The following RORB variants were observed in gnomAD, a reference collection of about 807,000 sequenced individuals.
The protein encoded by RORB is nuclear receptor ROR-beta.
In RORB, 6 loss-of-function variants were observed where a neutral mutation model predicts 59.1. The observed-to-expected ratio is 0.10, with a 90% confidence interval of 0.06 to 0.20. The LOEUF (loss-of-function observed/expected upper bound fraction) is 0.20. Ranked by LOEUF, RORB falls within the 10% of genes least tolerant of loss-of-function variation. RORB has a pLI of 1.00. For missense variants in RORB, 320 were observed against 560.5 expected, an observed-to-expected ratio of 0.57 and a Z score of 4.33; for synonymous variants, 215 against 204.5, an observed-to-expected ratio of 1.05 and a Z score of -0.44.
At chr9:74,611,661 G>GTTTT in intron 1 of RORB, among the ~76,000 whole-genome samples, 2 of 152,070 alleles carry the variant, frequency 1.3e-5, no homozygotes, top group African/African-American at 4.8e-5. Flanking sequence ...TTGTTTGTTT[G>GTTTT]TTTTTGAGAT....
intron 1 of RORB, among the ~76,000 whole-genome samples, chr9:74,599,645 A>G (rs1029612655): frequency 1.1e-4 from 17 of 152,212 alleles, no homozygotes; most frequent in African/African-American, 4.1e-4. Context: ...ATATTTCAAT[A>G]TTCCAACCAC....
chr9:74,585,402 A>T (rs1032713859), intron 1 of RORB, among the ~76,000 whole-genome samples: 6 of 152,270 alleles, frequency 3.9e-5, no homozygotes, highest in African/African-American at 1.4e-4. Context: ...CATATTCTAT[A>T]TAAAACCCCA....
intron 1 of RORB, among the ~76,000 whole-genome samples, chr9:74,587,588 A>T (rs984555981): frequency 6.6e-6 from 1 of 152,164 alleles, no homozygotes; most frequent in African/African-American, 2.4e-5. Context: ...AGGTCAGCTG[A>T]GGACTCAGCT....
intron 1 of RORB, among the ~76,000 whole-genome samples, chr9:74,595,997 T>C (rs1822965132): frequency 1.3e-5 from 2 of 152,188 alleles, no homozygotes; most frequent in African/African-American, 4.8e-5. Context: ...ATGATTTGTG[T>C]CCAGGGAAAC....
At chr9:74,538,711 A>G (rs1386440674) in intron 1 of RORB, among the ~76,000 whole-genome samples, 3 of 146,940 alleles carry the variant, frequency 2.0e-5, no homozygotes, top group African/African-American at 7.6e-5. Context: ...ATTAGCTTAC[A>G]GCAAAAGACA....
chr9:74,498,039 G>A, intron 1 of RORB, 56 bp downstream of exon 1: 1 of 1,584,814 alleles, frequency 6.3e-7, no homozygotes, highest in South Asian at 1.1e-5. Context: ...CCAGCCAGAC[G>A]GGGAGATGGG....
chr9:74,545,960 G>A (rs1290936537), intron 1 of RORB, among the ~76,000 whole-genome samples: 1 of 152,156 alleles, frequency 6.6e-6, no homozygotes, highest in Non-Finnish European at 1.5e-5. Flanking sequence ...AAAAATAAAA[G>A]GAATCTAACT....
chr9:74,612,672 T>C (rs1300518944), intron 1 of RORB, among the ~76,000 whole-genome samples: 2 of 152,158 alleles, frequency 1.3e-5, no homozygotes, highest in Non-Finnish European at 2.9e-5. Flanking sequence ...GACATAAAGA[T>C]GTATAAGTTT....
chr9:74,558,823 T>G (rs1822351388), intron 1 of RORB, among the ~76,000 whole-genome samples: 1 of 152,220 alleles, frequency 6.6e-6, no homozygotes, highest in African/African-American at 2.4e-5. Flanking sequence ...ATCTGTATAA[T>G]GTCATTTTAC....
chr9:74,508,900 GCT>G (rs71977081), intron 1 of RORB, among the ~76,000 whole-genome samples: 45,975 of 147,840 alleles, frequency 0.31, 7,063 homozygotes, highest in Admixed American at 0.4. Context: ...ATTAATCTAT[GCT>G]CTCTCTCTCT....
chr9:74,646,482 T>C (rs1174723489), intron 4 of RORB, among the ~76,000 whole-genome samples: 4 of 152,146 alleles, frequency 2.6e-5, no homozygotes, highest in Non-Finnish European at 5.9e-5. Flanking sequence ...AACTACAAAA[T>C]TCCTAGGTTA....
At chr9:74,606,874 A>G (rs915933787) in intron 1 of RORB, among the ~76,000 whole-genome samples, 4 of 152,222 alleles carry the variant, frequency 2.6e-5, no homozygotes, top group Non-Finnish European at 4.4e-5. Flanking sequence ...AAACCTACAC[A>G]TCTAGGGTTA....
intron 8 of RORB, 148 bp from the exon 9 acceptor site, chr9:74,671,641 C>T (rs1255021642): frequency 8.0e-6 from 4 of 502,334 alleles, no homozygotes; most frequent in African/African-American, 2.0e-5. Flanking sequence ...CTATGAAATA[C>T]TTATGTTTTA....
intron 1 of RORB, among the ~76,000 whole-genome samples, chr9:74,561,366 T>G (rs1822394805): frequency 6.6e-6 from 1 of 152,134 alleles, no homozygotes; most frequent in African/African-American, 2.4e-5. Flanking sequence ...AATATCTTAT[T>G]TTTTTATAAA....
rs1202660583 is a variant in RORB, at chr9:74,688,673, T to C, written c.*3055T>C. 1 of 152,180 alleles carries C rather than the reference T, an allele frequency of 6.6e-6. No homozygotes were observed. Among genetic ancestry groups the C allele is most frequent in the Non-Finnish European group, 1.5e-5 (1 of 68,020 alleles). The allele number at this position is 152,180 out of a possible 1,614,324, so 9.4% of individuals were successfully genotyped here. A position where few individuals can be genotyped will look rare whatever the true frequency, so the allele number is the denominator to read the frequency against. ...GAATGGTATAAATTAAATATGTTGC[T>C]GAGAGCACCTCTCTGACAAGGCTTT... On this transcript the variant is annotated 3_prime_UTR_variant, in exon 10 of 10. Coordinates refer to ENST00000376896, the MANE Select transcript of RORB (RefSeq NM_006914.4).
At chr9:74,604,135 TC>T (rs1367478561) in intron 1 of RORB, among the ~76,000 whole-genome samples, 1 of 152,202 alleles carries the variant, frequency 6.6e-6, no homozygotes. Flanking sequence ...TGATCTAGAA[TC>T]TCCAATAAGG....
chr9:74,562,780 A>G (rs561034202), intron 1 of RORB, among the ~76,000 whole-genome samples: 4 of 152,316 alleles, frequency 2.6e-5, no homozygotes, highest in African/African-American at 9.6e-5. Context: ...CTTATTTTGA[A>G]ATGCTGTCAA....
chr9:74,628,854 T>C (rs187695349), intron 1 of RORB, among the ~76,000 whole-genome samples: 11 of 152,328 alleles, frequency 7.2e-5, no homozygotes, highest in Non-Finnish European at 1.5e-4. Context: ...TCTAAATAAA[T>C]TTTGTCTCAT....
At chr9:74,684,502 C>T (rs1321753320) in intron 9 of RORB, among the ~76,000 whole-genome samples, 1 of 151,086 alleles carries the variant, frequency 6.6e-6, no homozygotes, top group Admixed American at 6.6e-5. Flanking sequence ...CTAATTTTGA[C>T]ACAAAAATGA....
Sources: gnomAD v4.1 joint callset for allele counts (sites outside exome capture counted in the v4.1 genomes callset) on GRCh38, gnomAD v4.1.1 for gene constraint, MANE v1.5 for transcripts, NCBI Gene and HGNC (gene_info 2026-07-23, HGNC 2026-07-21) for gene names.